GDI2: variants seen among roughly 807,000 people sequenced by gnomAD.
GDI2 encodes GDP dissociation inhibitor 2.
Under a neutral mutation model 54.2 loss-of-function variants are expected in GDI2, and 22 were observed. The observed-to-expected ratio is 0.41, with a 90% CI of 0.29 to 0.58. GDI2 has a LOEUF of 0.58. Among genes scored for constraint, GDI2 ranks in the 20% least tolerant of loss-of-function variants. GDI2 has a pLI of 0.35. For synonymous variants in GDI2, 177 were observed against 182.1 expected (o/e 0.97, Z 0.23); for missense variants, 422 against 546.0 (o/e 0.77, Z 2.26).
At position 5,776,519 on chromosome 10, in the gene GDI2, T is replaced by C; in HGVS notation, c.720-2578A>G. On this transcript the variant is annotated intron_variant, in intron 6 of 10. Coordinates refer to ENST00000380191, the MANE Select transcript of GDI2 (RefSeq NM_001494.4). This position sits in a 1 kb window ranked among gnomAD's most constrained non-coding sequence, Gnocchi z 5.3. Reference sequence around the variant, plus strand: ...GCAAAGGCCCGAAAGATAAAACAATTATAGAGAAGCAGATTTGAAGAGGCA... The same window carrying C: ...GCAAAGGCCCGAAAGATAAAACAATCATAGAGAAGCAGATTTGAAGAGGCA... The C allele has an allele frequency of 4.1e-6, 6 of 1,457,054 alleles. No individual in the cohort carries two copies. The South Asian group carries it at 6.9e-5, about 17-fold the overall frequency. The allele number at this position is 1,457,054 out of a possible 1,614,324, so 90.3% of individuals were successfully genotyped here.
rs187112568 is a variant in GDI2 at position 5,804,075 on chromosome 10, T to C, written c.46-3370A>G. On this transcript the variant is annotated intron_variant, in intron 1 of 10. Transcript: ENST00000380191. ...TTACCATGAGGTTCAAATTTCACTA[T>C]AGGAGTGTGAATCATTCTTTCTTTT... is the stretch of plus-strand genomic sequence containing the variant. 5.7e-4 allele frequency among the ~76,000 whole-genome samples: 84 copies of C among 147,918 alleles called. No homozygotes were observed. In the East Asian group the frequency reaches 0.015, roughly 26 times the overall value.
At chr10:5,790,364 C>A (rs1479005574) in intron 4 of GDI2, among the ~76,000 whole-genome samples, 1 of 152,164 alleles carries the variant, frequency 6.6e-6, no homozygotes, top group Non-Finnish European at 1.5e-5. Context: ...TATCACAAGG[C>A]CAGGTGCGGT....
chr10:5,799,376 G>A (rs1162174782), intron 2 of GDI2, among the ~76,000 whole-genome samples: 1 of 152,184 alleles, frequency 6.6e-6, no homozygotes, highest in Non-Finnish European at 1.5e-5. Flanking sequence ...AAGCGCTCGG[G>A]CGTGGTGGCT....
At position 5,765,938 on chromosome 10, in the gene GDI2, G is replaced by C; in HGVS notation, c.*68C>G. The C allele has an allele frequency of 8.6e-7, 1 of 1,156,208 alleles. No individual in the cohort carries two copies. Among genetic ancestry groups the C allele is most frequent in the Non-Finnish European group, 1.2e-6 (1 of 812,902 alleles). The allele number at this position is 1,156,208 out of a possible 1,614,324, so 71.6% of individuals were successfully genotyped here. A position where few individuals can be genotyped will look rare whatever the true frequency, so the allele number is the denominator to read the frequency against. The stretch of plus-strand genomic sequence containing the variant: ...TTACAAAAGCAGGCCTTACAATATT[G>C]ATTTCATTATATGCATTATTTGCCA... On this transcript the variant is annotated 3_prime_UTR_variant, in exon 11 of 11. Coordinates refer to ENST00000380191, the MANE Select transcript of GDI2 (RefSeq NM_001494.4).
intron 7 of GDI2, among the ~76,000 whole-genome samples, chr10:5,772,576 G>A (rs1407213037): frequency 6.6e-6 from 1 of 152,034 alleles, no homozygotes; most frequent in East Asian, 1.9e-4. Context: ...GGCCAACATG[G>A]TGAAACCCCA....
chr10:5,807,823 G>A (rs1016212444), intron 1 of GDI2, among the ~76,000 whole-genome samples: 15 of 152,204 alleles, frequency 9.9e-5, no homozygotes, highest in African/African-American at 3.4e-4. Context: ...AACTCATTTG[G>A]ACAACACCCA....
chr10:5,780,273 T>G (rs1324858589), intron 6 of GDI2, among the ~76,000 whole-genome samples: 1 of 143,844 alleles, frequency 7.0e-6, no homozygotes, highest in Non-Finnish European at 1.5e-5. Context: ...TAAGTGAACT[T>G]AATGTGACAA....
At chr10:5,792,077 T>C (rs948054626) in intron 4 of GDI2, among the ~76,000 whole-genome samples, 2 of 152,080 alleles carry the variant, frequency 1.3e-5, no homozygotes, top group African/African-American at 4.8e-5. Context: ...GTATTTACTT[T>C]GGAAAAAAAA....
intron 7 of GDI2, among the ~76,000 whole-genome samples, chr10:5,773,244 C>G (rs1010040291): frequency 6.6e-6 from 1 of 152,120 alleles, no homozygotes; most frequent in Admixed American, 6.5e-5. Context: ...TCCAGTGAGA[C>G]AGTAAAGCAG....
chr10:5,768,482 C>T lies in GDI2; in HGVS notation c.820-98G>A. ...GGAAGACTTAGTATTGTTAAGATAT[C>T]AAAAACCATCCTCAAGTTCATATTG... On this transcript the variant is annotated intron_variant, in intron 7 of 10. Coordinates refer to ENST00000380191, the MANE Select transcript of GDI2 (RefSeq NM_001494.4). The surrounding 1 kb of genome is among the most constrained non-coding windows in gnomAD (Gnocchi z 4.4). 1 of 743,332 alleles carries T rather than the reference C, an allele frequency of 1.3e-6. No individual in the cohort carries two copies. Among genetic ancestry groups the T allele is most frequent in the Non-Finnish European group, 2.2e-6 (1 of 449,144 alleles). The allele number at this position is 743,332 out of a possible 1,614,324, so 46.0% of individuals were successfully genotyped here. A position where few individuals can be genotyped will look rare whatever the true frequency, so the allele number is the denominator to read the frequency against.
chr10:5,792,625 T>C (rs748420847), intron 4 of GDI2, among the ~76,000 whole-genome samples: 15 of 150,476 alleles, frequency 1.0e-4, no homozygotes, highest in Non-Finnish European at 1.6e-4. Context: ...ATTTCTACTG[T>C]ACATAAATTA....
In GDI2 at chr10:5,776,734, G is replaced by A. The variant is rs1840630454; in HGVS notation, c.720-2793C>T. 2 of 1,497,876 alleles carry A rather than the reference G, an allele frequency of 1.3e-6. No individual in the cohort carries two copies. The highest frequency in any genetic ancestry group is 2.8e-5 in the African/African-American group (2 of 72,258). The allele number at this position is 1,497,876 out of a possible 1,614,324, so 92.8% of individuals were successfully genotyped here. A position where few individuals can be genotyped will look rare whatever the true frequency, so the allele number is the denominator to read the frequency against. On this transcript the variant is annotated intron_variant, in intron 6 of 10. Coordinates refer to ENST00000380191, the MANE Select transcript of GDI2 (RefSeq NM_001494.4). The surrounding 1 kb of genome is among the most constrained non-coding windows in gnomAD (Gnocchi z 5.3). The stretch of plus-strand genomic sequence containing the variant: ...CTGCTACAGCCTCTTTAACCTGGCA[G>A]AAGTTTGCAGCAAATACCAGGAAAG...
intron 6 of GDI2, among the ~76,000 whole-genome samples, chr10:5,778,163 T>C (rs980296858): frequency 1.3e-5 from 2 of 152,088 alleles, no homozygotes; most frequent in African/African-American, 4.8e-5. Flanking sequence ...GGGATAGCAC[T>C]AGAAGTACCT....
At chr10:5,792,294 A>G (rs1033557620) in intron 4 of GDI2, among the ~76,000 whole-genome samples, 1 of 152,218 alleles carries the variant, frequency 6.6e-6, no homozygotes, top group Admixed American at 6.5e-5. Context: ...AAAAAATAGT[A>G]ATAGCACCTG....
rs1347895952 is a variant in GDI2 at position 5,794,794 on chromosome 10, G to A, written c.388+91C>T. On this transcript the variant is annotated intron_variant, in intron 4 of 10. Transcript: ENST00000380191. ...GATAGACATTCAATAAATATTTGTT[G>A]ACTGGGTCCTCTCTAAGACTCTTTT... is the stretch of plus-strand genomic sequence containing the variant. 3 of 843,332 alleles carry A rather than the reference G, an allele frequency of 3.6e-6. No individual in the cohort carries two copies. In the East Asian group the frequency reaches 7.3e-5, roughly 20 times the overall value. The allele number at this position is 843,332 out of a possible 1,614,324, so 52.2% of individuals were successfully genotyped here. A position where few individuals can be genotyped will look rare whatever the true frequency, so the allele number is the denominator to read the frequency against.
chr10:5,800,411 C>T (rs1016434061), intron 2 of GDI2, among the ~76,000 whole-genome samples, 187 bp downstream of exon 2: 1 of 152,192 alleles, frequency 6.6e-6, no homozygotes, highest in African/African-American at 2.4e-5. Flanking sequence ...GATAACTGCT[C>T]CACATAGCAA....
intron 6 of GDI2, among the ~76,000 whole-genome samples, chr10:5,775,057 G>T (rs1393362177): frequency 6.6e-6 from 1 of 152,218 alleles, no homozygotes; most frequent in African/African-American, 2.4e-5. Context: ...GGAAGCCGAG[G>T]CCAGCAGATG....
chr10:5,799,248 G>A (rs1841212924), intron 2 of GDI2, among the ~76,000 whole-genome samples: 2 of 152,124 alleles, frequency 1.3e-5, no homozygotes, highest in South Asian at 2.1e-4. Flanking sequence ...GATACAGGAG[G>A]ATCGTTTGAG....
chr10:5,784,097 A>G (rs565965605), intron 6 of GDI2, among the ~76,000 whole-genome samples: 3 of 152,216 alleles, frequency 2.0e-5, no homozygotes, highest in Non-Finnish European at 4.4e-5. Flanking sequence ...TGGTTGTTTA[A>G]CAAACTTATT....
Sources: allele counts gnomAD v4.1 joint callset (sites outside exome capture counted in the v4.1 genomes callset), GRCh38; gene constraint gnomAD v4.1.1; non-coding constraint Gnocchi (gnomAD v3.1); transcripts MANE v1.5; gene names NCBI Gene and HGNC (gene_info 2026-07-23, HGNC 2026-07-21).